IGF1R: variants seen among roughly 807,000 people sequenced by gnomAD.
IGF1R encodes the protein insulin like growth factor 1 receptor, also known as insulin-like growth factor 1 receptor.
IGF1R carries 44 observed loss-of-function variants against 144.6 expected under a neutral mutation model. The ratio of observed to expected loss-of-function variants is 0.30; its 90% confidence interval spans 0.24 to 0.39. The LOEUF is 0.39. Among genes scored for constraint, IGF1R ranks in the 10% least tolerant of loss-of-function variants. The pLI, the probability that IGF1R is intolerant of heterozygous loss-of-function variation, is 1.00. For missense variants in IGF1R, 1,355 were observed against 1,833.7 expected (o/e 0.74, Z 4.77); for synonymous variants, 795 against 722.8 (o/e 1.10, Z -1.60).
At chr15:98,720,052 G>C (rs2054211391) in intron 2 of IGF1R, among the ~76,000 whole-genome samples, 1 of 152,186 alleles carries the variant, frequency 6.6e-6, no homozygotes, top group Admixed American at 6.5e-5. Context: ...AAATGAGCTT[G>C]GTTATACATA....
At chr15:98,741,388 G>A (rs2054740757) in intron 2 of IGF1R, among the ~76,000 whole-genome samples, 1 of 151,362 alleles carries the variant, frequency 6.6e-6, no homozygotes, top group Non-Finnish European at 1.5e-5. Flanking sequence ...TTCCTTTTTT[G>A]GAAATAGTTT....
intron 1 of IGF1R, among the ~76,000 whole-genome samples, chr15:98,689,614 G>A (rs1372539674): frequency 1.3e-5 from 2 of 152,120 alleles, no homozygotes; most frequent in Non-Finnish European, 2.9e-5. Flanking sequence ...TTAATCTAAA[G>A]TATTAGAATA....
At chr15:98,828,853 T>C (rs1212851467) in intron 2 of IGF1R, among the ~76,000 whole-genome samples, 1 of 149,622 alleles carries the variant, frequency 6.7e-6, no homozygotes, top group Non-Finnish European at 1.5e-5. Context: ...TACTGTGGAG[T>C]GCATTTGTTC....
At chr15:98,859,654 T>G (rs1299597330) in intron 2 of IGF1R, among the ~76,000 whole-genome samples, 1 of 152,274 alleles carries the variant, frequency 6.6e-6, no homozygotes, top group Non-Finnish European at 1.5e-5. Flanking sequence ...AGTGTCCAGA[T>G]AGCCAGGATT....
At chr15:98,697,333 G>A (rs1312452260) in intron 1 of IGF1R, among the ~76,000 whole-genome samples, 1 of 152,182 alleles carries the variant, frequency 6.6e-6, no homozygotes, top group Non-Finnish European at 1.5e-5. Context: ...CAGTGTTTTA[G>A]CTCTTGCCCA....
intron 2 of IGF1R, among the ~76,000 whole-genome samples, chr15:98,752,614 C>T (rs1442497664): frequency 2.6e-5 from 4 of 151,662 alleles, no homozygotes; most frequent in African/African-American, 9.7e-5. Context: ...ACCCGGGAGG[C>T]GGAGCTTGCA....
chr15:98,941,835 A>G (rs1203713604), intron 18 of IGF1R, among the ~76,000 whole-genome samples: 1 of 152,188 alleles, frequency 6.6e-6, no homozygotes, highest in Non-Finnish European at 1.5e-5. Flanking sequence ...TGAGCATTTT[A>G]AAGTGGAGCA....
At chr15:98,733,253 G>T (rs2141299996) in intron 2 of IGF1R, among the ~76,000 whole-genome samples, 1 of 152,188 alleles carries the variant, frequency 6.6e-6, no homozygotes, top group African/African-American at 2.4e-5. Context: ...TTGCTCTGTT[G>T]CCCAGGCTGG....
rs539704393 is a variant in IGF1R, at chr15:98,960,398, G to A, written c.*2956G>A. 4.3e-6 allele frequency: 1 copy of A among 233,344 alleles called. No homozygotes were observed. Among genetic ancestry groups the A allele is most frequent in the Non-Finnish European group, 8.5e-6 (1 of 118,072 alleles). 14.5% of individuals were successfully genotyped at this position (233,344 alleles called of 1,614,324 possible). The stretch of plus-strand genomic sequence containing the variant: ...CAACGAGGGCACCAGAGCACACCTG[G>A]GGGAGCCACCAGGCTGTCCCTGGCT... On this transcript the variant is annotated 3_prime_UTR_variant, in exon 21 of 21. Transcript: ENST00000650285.
At chr15:98,849,899 T>C (rs969077740) in intron 2 of IGF1R, among the ~76,000 whole-genome samples, 1 of 152,158 alleles carries the variant, frequency 6.6e-6, no homozygotes, top group Non-Finnish European at 1.5e-5. Context: ...ATCCAAAATA[T>C]TTGATAACAC....
intron 1 of IGF1R, among the ~76,000 whole-genome samples, chr15:98,650,211 C>T (rs959511351): frequency 8.5e-5 from 13 of 152,104 alleles, no homozygotes; most frequent in African/African-American, 2.9e-4. Context: ...AGGTGCCCTG[C>T]GGAGAGGCCC....
At chr15:98,859,896 C>T (rs1391842613) in intron 2 of IGF1R, among the ~76,000 whole-genome samples, 2 of 152,174 alleles carry the variant, frequency 1.3e-5, no homozygotes, top group Non-Finnish European at 2.9e-5. Context: ...TTCTTGGTTT[C>T]ATGACCACAT....
At chr15:98,896,365 A>G (rs1333511234) in intron 3 of IGF1R, among the ~76,000 whole-genome samples, 1 of 152,202 alleles carries the variant, frequency 6.6e-6, no homozygotes, top group Non-Finnish European at 1.5e-5. Context: ...TACACAGGCC[A>G]GGGTCACAGT....
At chr15:98,792,167 A>G (rs1340837526) in intron 2 of IGF1R, among the ~76,000 whole-genome samples, 1 of 152,242 alleles carries the variant, frequency 6.6e-6, no homozygotes, top group Non-Finnish European at 1.5e-5. Flanking sequence ...GGTATGCCTG[A>G]CAGCTCTCTT....
At chr15:98,656,157 A>T (rs1028265327) in intron 1 of IGF1R, among the ~76,000 whole-genome samples, 1 of 152,176 alleles carries the variant, frequency 6.6e-6, no homozygotes, top group African/African-American at 2.4e-5. Flanking sequence ...AAGCATTCAC[A>T]TTCTTTGGAG....
chr15:98,949,410 G>T (rs1279140326), intron 20 of IGF1R, among the ~76,000 whole-genome samples: 1 of 139,642 alleles, frequency 7.2e-6, no homozygotes, highest in Non-Finnish European at 1.5e-5. Flanking sequence ...ATGGAGTCTC[G>T]CTCTGTCGCC....
intron 2 of IGF1R, among the ~76,000 whole-genome samples, chr15:98,774,603 C>G (rs45550233): frequency 2.1e-5 from 3 of 142,068 alleles, no homozygotes; most frequent in Non-Finnish European, 3.0e-5. Context: ...CACAAAAGGA[C>G]AAATACTCTA....
chr15:98,948,838 A>G (rs1040017921), intron 20 of IGF1R, 130 bp downstream of exon 20: 31 of 1,097,588 alleles, frequency 2.8e-5, no homozygotes, highest in Non-Finnish European at 4.0e-5. Flanking sequence ...AGGCGTGGCT[A>G]AGAGGTTTGT....
At chr15:98,872,198 A>G (rs2012820350) in intron 2 of IGF1R, among the ~76,000 whole-genome samples, 1 of 152,252 alleles carries the variant, frequency 6.6e-6, no homozygotes, top group Admixed American at 6.5e-5. Context: ...CTGAAAAACT[A>G]GAATTTGTAA....
Sources: allele counts gnomAD v4.1 joint callset (sites outside exome capture counted in the v4.1 genomes callset), GRCh38; gene constraint gnomAD v4.1.1; transcripts MANE v1.5; gene names NCBI Gene and HGNC (gene_info 2026-07-23, HGNC 2026-07-21).